Variants in CALCRL observed in about 807,000 individuals in gnomAD.
The protein encoded by CALCRL is calcitonin gene-related peptide type 1 receptor.
A neutral mutation model predicts 60.4 loss-of-function variants in CALCRL; 27 were observed. The ratio of observed to expected loss-of-function variants is 0.45; its 90% CI spans 0.33 to 0.62. CALCRL has a LOEUF of 0.62. CALCRL is among the 20% of genes least tolerant of loss of function. The pLI is 0.03. For synonymous variants in CALCRL, 190 were observed against 182.6 expected (o/e 1.04, Z -0.33); for missense variants, 424 against 540.7 (o/e 0.78, Z 2.14).
chr2:187,438,603 C>T (rs923638092), intron 1 of CALCRL, among the ~76,000 whole-genome samples: 1 of 151,544 alleles, frequency 6.6e-6, no homozygotes, highest in Non-Finnish European at 1.5e-5. Flanking sequence ...CAATAAGTAA[C>T]GGAATAAGGC....
intron 8 of CALCRL, among the ~76,000 whole-genome samples, chr2:187,373,728 C>A (rs558082460): frequency 7.9e-5 from 12 of 152,250 alleles, no homozygotes; most frequent in Non-Finnish European, 1.2e-4. Flanking sequence ...GCCTTTATAG[C>A]AAATCTATGA....
chr2:187,396,198 G>GA (rs1688647127), intron 1 of CALCRL, among the ~76,000 whole-genome samples: 1 of 151,028 alleles, frequency 6.6e-6, no homozygotes, highest in African/African-American at 2.4e-5. Flanking sequence ...AATAAATAAA[G>GA]AAAAAAATCA....
chr2:187,365,729 T>A (rs1175098079), intron 8 of CALCRL, among the ~76,000 whole-genome samples: 1 of 152,134 alleles, frequency 6.6e-6, no homozygotes, highest in Non-Finnish European at 1.5e-5. Context: ...ATTAAAAAAA[T>A]GAACTTCTCT....
chr2:187,380,287 C>A (rs562788290), intron 7 of CALCRL, among the ~76,000 whole-genome samples, 180 bp downstream of exon 7: 1 of 152,188 alleles, frequency 6.6e-6, no homozygotes, highest in South Asian at 2.1e-4. Flanking sequence ...AGTGTAATGA[C>A]AAAATCAATA....
intron 1 of CALCRL, among the ~76,000 whole-genome samples, chr2:187,434,938 G>T (rs1193884242): frequency 6.6e-6 from 1 of 152,160 alleles, no homozygotes; most frequent in East Asian, 1.9e-4. Flanking sequence ...ACCATATGTG[G>T]TAAAGTCATA....
At chr2:187,406,731 G>C (rs1689148315) in intron 1 of CALCRL, among the ~76,000 whole-genome samples, 1 of 151,962 alleles carries the variant, frequency 6.6e-6, no homozygotes, top group African/African-American at 2.4e-5. Flanking sequence ...ATATGAGAAA[G>C]AGACAGAGAC....
At position 187,385,648 on chromosome 2, in the gene CALCRL, A is replaced by G; in HGVS notation, c.-36-17T>C. On this transcript the variant is annotated splice_polypyrimidine_tract_variant and intron_variant, in intron 3 of 14. Coordinates refer to ENST00000392370, the MANE Select transcript of CALCRL (RefSeq NM_005795.6). ...TAACATAAACTGCAACAGAAAATAA[A>G]AGAAATATAATTCATCAATATTTAT... is the stretch of plus-strand genomic sequence containing the variant. 8.1e-7 allele frequency: 1 copy of G among 1,232,256 alleles called. No individual in the cohort carries two copies. The highest frequency in any genetic ancestry group is 1.4e-5 in the South Asian group (1 of 71,150). 76.3% of individuals were successfully genotyped at this position (1,232,256 alleles called of 1,614,324 possible). A position where few individuals can be genotyped will look rare whatever the true frequency, so the allele number is the denominator to read the frequency against.
chr2:187,405,561 A>G (rs1559064861), intron 1 of CALCRL, among the ~76,000 whole-genome samples: 1 of 152,134 alleles, frequency 6.6e-6, no homozygotes, highest in East Asian at 1.9e-4. Flanking sequence ...AGGTGAAGAC[A>G]TTTATGTCTT....
At chr2:187,356,277 A>C (rs1168622904) in intron 12 of CALCRL, among the ~76,000 whole-genome samples, 1 of 152,226 alleles carries the variant, frequency 6.6e-6, no homozygotes, top group Non-Finnish European at 1.5e-5. Context: ...CACATTAGCC[A>C]AAACAGCATG....
chr2:187,410,720 T>G (rs1689320358), intron 1 of CALCRL, among the ~76,000 whole-genome samples: 1 of 151,978 alleles, frequency 6.6e-6, no homozygotes, highest in South Asian at 2.1e-4. Flanking sequence ...AGGGGAAGAA[T>G]GTTAAGGATG....
At chr2:187,375,225 T>C (rs1211573796) in intron 8 of CALCRL, among the ~76,000 whole-genome samples, 1 of 146,596 alleles carries the variant, frequency 6.8e-6, no homozygotes, top group East Asian at 2.0e-4. Flanking sequence ...TGAGCCGAGA[T>C]TGCGCCACTG....
chr2:187,392,391 A>C (rs1055072803), intron 1 of CALCRL, among the ~76,000 whole-genome samples: 1 of 152,162 alleles, frequency 6.6e-6, no homozygotes, highest in African/African-American at 2.4e-5. Context: ...CACCCACCTG[A>C]ACCTTTGTGT....
intron 1 of CALCRL, chr2:187,415,441 T>C (rs1220434779): frequency 8.4e-6 from 2 of 237,708 alleles, no homozygotes; most frequent in African/African-American, 4.6e-5. Flanking sequence ...TTGAAAAATA[T>C]CAAGACACAA....
chr2:187,424,699 G>A (rs1476091428), intron 1 of CALCRL, among the ~76,000 whole-genome samples: 1 of 151,936 alleles, frequency 6.6e-6, no homozygotes, highest in Non-Finnish European at 1.5e-5. Context: ...TGAAAATTAA[G>A]GAGAAATGGC....
intron 4 of CALCRL, among the ~76,000 whole-genome samples, chr2:187,384,297 A>G (rs970065894): frequency 2.6e-5 from 4 of 152,214 alleles, no homozygotes; most frequent in African/African-American, 9.6e-5. Flanking sequence ...GAAATGTAGA[A>G]CATAAAGAAA....
chr2:187,442,294 T>C (rs570201402), intron 1 of CALCRL, among the ~76,000 whole-genome samples: 49 of 151,074 alleles, frequency 3.2e-4, no homozygotes, highest in African/African-American at 1.2e-3. Flanking sequence ...GAAGAACTCT[T>C]AACATAGCTA....
chr2:187,369,195 G>A (rs765954360), intron 8 of CALCRL, among the ~76,000 whole-genome samples: 5 of 152,056 alleles, frequency 3.3e-5, no homozygotes, highest in Non-Finnish European at 7.4e-5. Context: ...TGTCCATTTT[G>A]TATGGACAAC....
chr2:187,419,453 C>T (rs1481365351), intron 1 of CALCRL, among the ~76,000 whole-genome samples: 2 of 152,150 alleles, frequency 1.3e-5, no homozygotes. Context: ...TGATCTTGGA[C>T]TTCCAGTTTC....
chr2:187,352,227 G>A lies in CALCRL; in HGVS notation c.1015C>T (p.Leu339Phe), dbSNP rs2105698808. 6.2e-7 allele frequency: 1 copy of A among 1,612,362 alleles called. No individual in the cohort carries two copies. The highest frequency in any genetic ancestry group is 8.5e-7 in the Non-Finnish European group (1 of 1,178,936). The part of the protein sequence containing the change: ...NLYMKAVRAT[L>F]ILVPLLGIEF... ...ATGCCAAGCAATGGCACCAAGATAA[G>A]AGTAGCTCTCACAGCTTTCATGTAC... Residue 339 changes from leucine to phenylalanine, a missense_variant, in exon 13 of 15, where the codon CTT becomes TTT. Leu to Phe is a conservative substitution (Grantham distance 22, BLOSUM62 0). Coordinates refer to ENST00000392370, the MANE Select transcript of CALCRL (RefSeq NM_005795.6).
Sources: allele counts gnomAD v4.1 joint callset (sites outside exome capture counted in the v4.1 genomes callset), GRCh38; gene constraint gnomAD v4.1.1; transcripts MANE v1.5; gene names NCBI Gene and HGNC (gene_info 2026-07-23, HGNC 2026-07-21).